The following PDXDC1 variants were observed in gnomAD, a reference collection of about 807,000 sequenced individuals.
PDXDC1 encodes pyridoxal-dependent decarboxylase domain-containing protein 1.
PDXDC1 carries 42 observed loss-of-function variants against 100.1 expected under a neutral mutation model. The observed-to-expected ratio is 0.42, with a 90% CI of 0.33 to 0.54. PDXDC1 has a LOEUF of 0.54. Ranked by LOEUF, PDXDC1 falls within the 20% of genes least tolerant of loss-of-function variation. The pLI, the probability that PDXDC1 is intolerant of heterozygous loss-of-function variation, is 0.10. For synonymous variants in PDXDC1, 260 were observed against 371.7 expected (o/e 0.70, Z 3.46); for missense variants, 636 against 979.2 (o/e 0.65, Z 4.68).
chr16:15,089,756 C>CAT lies in PDXDC1; in HGVS notation c.1400-49123_1400-49122insAT, dbSNP rs1567225721. On this transcript the variant is annotated intron_variant, in intron 16 of 16. Transcript: ENST00000535621. ...CGGAGCTTGCAGTGAGCCAAGATTG[C>CAT]GCCACTGCACTCCAGCCTGGGCGAC... Among the ~76,000 whole-genome samples the CAT allele has an allele frequency of 6.2e-5, 8 of 129,052 alleles. No individual in the cohort carries two copies. In the East Asian group the frequency reaches 1.7e-3, roughly 27 times the overall value. The allele number at this position is 129,052 out of a possible 152,430, so 84.7% of individuals were successfully genotyped here. A position where few individuals can be genotyped will look rare whatever the true frequency, so the allele number is the denominator to read the frequency against.
chr16:15,073,058 T>C, intron 16 of PDXDC1: 2 of 1,611,762 alleles, frequency 1.2e-6, no homozygotes, highest in East Asian at 2.2e-5. Context: ...ATAGATCCTT[T>C]GTTTTGCCGT....
intron 1 of PDXDC1, among the ~76,000 whole-genome samples, chr16:14,991,776 C>T (rs1441597189): frequency 6.6e-6 from 1 of 152,174 alleles, no homozygotes; most frequent in Non-Finnish European, 1.5e-5. Flanking sequence ...CCTTCCTTGA[C>T]CTCTCAAAAG....
the PDXDC1 span, among the ~76,000 whole-genome samples, chr16:15,147,216 C>A: frequency 6.6e-6 from 1 of 151,946 alleles, no homozygotes; most frequent in Non-Finnish European, 1.5e-5. Context: ...GGGTGCAGGG[C>A]CCCTCAGCCC....
intron 16 of PDXDC1, chr16:15,104,685 A>G (rs1337959677): frequency 6.3e-7 from 1 of 1,597,500 alleles, no homozygotes; most frequent in Admixed American, 1.7e-5. Context: ...CCTGTTTTTT[A>G]AAGTTTCAGC....
At chr16:15,098,055 G>T (rs1435120561) in intron 16 of PDXDC1, among the ~76,000 whole-genome samples, 33 of 149,076 alleles carry the variant, frequency 2.2e-4, no homozygotes, top group African/African-American at 8.2e-4. Context: ...GAGATTATAG[G>T]CATGAGCCAC....
chr16:15,024,493 G>A (rs112760670), intron 13 of PDXDC1, among the ~76,000 whole-genome samples: 5,564 of 148,874 alleles, frequency 0.037, no homozygotes, highest in African/African-American at 0.065. Flanking sequence ...TCTAACCTCC[G>A]CCTCCTGGGT....
At chr16:15,133,076 G>T in intron 16 of PDXDC1, 1 of 637,848 alleles carries the variant, frequency 1.6e-6, no homozygotes, top group South Asian at 1.9e-5. Context: ...ATTGTGGAAA[G>T]CAGACGCCGG....
chr16:15,057,958 T>G (rs2044584059), intron 16 of PDXDC1, among the ~76,000 whole-genome samples: 1 of 152,246 alleles, frequency 6.6e-6, no homozygotes, highest in African/African-American at 2.4e-5. Flanking sequence ...AGGAAACCAC[T>G]CCCCTACCTC....
intron 16 of PDXDC1, chr16:15,063,116 G>T (rs991460951): frequency 2.7e-5 from 30 of 1,096,952 alleles, no homozygotes; most frequent in Non-Finnish European, 3.7e-5. Context: ...ACGCACGAAC[G>T]ACTTGCCACT....
chr16:15,035,663 A>G, intron 22 of PDXDC1, 110 bp downstream of exon 22: 1 of 621,632 alleles, frequency 1.6e-6, no homozygotes, highest in Non-Finnish European at 2.8e-6. Context: ...TCTTAAGACC[A>G]ACTACTACCA....
At chr16:15,147,017 C>T in the PDXDC1 span, among the ~76,000 whole-genome samples, 1 of 151,998 alleles carries the variant, frequency 6.6e-6, no homozygotes, top group African/African-American at 2.4e-5. Flanking sequence ...TCTGGGTTCC[C>T]AGCCTCCTTC....
At chr16:15,112,077 C>T (rs1431056613) in intron 16 of PDXDC1, among the ~76,000 whole-genome samples, 1 of 148,084 alleles carries the variant, frequency 6.8e-6, no homozygotes, top group African/African-American at 2.4e-5. Context: ...TCACTAATGA[C>T]TGAATTCCCA....
chr16:14,979,002 A>G (rs1437570956), intron 1 of PDXDC1, among the ~76,000 whole-genome samples: 8 of 152,284 alleles, frequency 5.3e-5, no homozygotes, highest in South Asian at 2.1e-4. Context: ...AAATGTCTCA[A>G]GATGGGGGCA....
chr16:15,043,713 G>A (rs1270021891), intron 16 of PDXDC1, among the ~76,000 whole-genome samples: 1 of 152,114 alleles, frequency 6.6e-6, no homozygotes, highest in African/African-American at 2.4e-5. Flanking sequence ...ACTTTAAGAG[G>A]CCGAGGCAGG....
chr16:15,002,017 A>G (rs1973270447), intron 4 of PDXDC1, 161 bp downstream of exon 4: 13 of 646,982 alleles, frequency 2.0e-5, no homozygotes, highest in Admixed American at 3.3e-5. Flanking sequence ...ATATTAATAT[A>G]TATTTTGTGA....
intron 16 of PDXDC1, chr16:15,076,435 T>C: frequency 1.3e-6 from 1 of 745,542 alleles, no homozygotes; most frequent in Non-Finnish European, 2.4e-6. Flanking sequence ...TAAGGAATCG[T>C]TTTCAAGTTT....
chr16:15,001,292 C>G (rs1230860524), intron 3 of PDXDC1, among the ~76,000 whole-genome samples: 2 of 152,264 alleles, frequency 1.3e-5, no homozygotes, highest in East Asian at 1.9e-4. Context: ...AGTTGAAGAC[C>G]AGTCTGGCCA....
At chr16:15,034,262 A>G (rs757913653) in intron 19 of PDXDC1, 24 bp from the exon 20 acceptor site, 1 of 1,608,484 alleles carries the variant, frequency 6.2e-7, no homozygotes, top group Non-Finnish European at 8.5e-7. Flanking sequence ...TAAACAAGTA[A>G]TGTCTTTCTT....
At chr16:15,042,530 C>T (rs536257618), downstream of PDXDC1, among the ~76,000 whole-genome samples, 7 of 152,182 alleles carry the variant, frequency 4.6e-5, no homozygotes, top group African/African-American at 1.7e-4. Flanking sequence ...TAGGTATTTT[C>T]CCATGTAATT....
Sources: gnomAD v4.1 joint callset for allele counts (sites outside exome capture counted in the v4.1 genomes callset) on GRCh38, gnomAD v4.1.1 for gene constraint, MANE v1.5 for transcripts, NCBI Gene and HGNC (gene_info 2026-07-23, HGNC 2026-07-21) for gene names.